Variants in QSOX1 observed in about 807,000 individuals in gnomAD.
QSOX1 encodes quiescin sulfhydryl oxidase 1, also known as sulfhydryl oxidase 1.
Under a neutral mutation model 76.1 loss-of-function variants are expected in QSOX1, and 40 were observed. The ratio of observed to expected loss-of-function variants is 0.53; its 90% confidence interval spans 0.41 to 0.68. The LOEUF (loss-of-function observed/expected upper bound fraction) is 0.68. QSOX1 is among the 30% of genes least tolerant of loss of function. The probability of loss-of-function intolerance (pLI) is 0.00; values close to 1 mark genes in which losing one functional copy is unlikely to be tolerated. For synonymous variants in QSOX1, 392 were observed against 413.1 expected, an observed-to-expected ratio of 0.95 and a Z score of 0.62; for missense variants, 931 against 974.3, an observed-to-expected ratio of 0.96 and a Z score of 0.59.
intron 10 of QSOX1, among the ~76,000 whole-genome samples, chr1:180,192,726 C>A (rs550149714): frequency 1.3e-5 from 2 of 152,194 alleles, no homozygotes; most frequent in South Asian, 4.2e-4. Context: ...CAATAGACCT[C>A]CCAATGGAGG....
rs766099919 is a variant in QSOX1, at chr1:180,190,424, G to A, written c.1141-9G>A. 1 of 1,611,300 alleles carries A rather than the reference G, an allele frequency of 6.2e-7. No homozygotes were observed. Among genetic ancestry groups the A allele is most frequent in the South Asian group, 1.1e-5 (1 of 91,000 alleles). ...TCCATATGTGCACTCACACTCATGT[G>A]TCCCTCAGGGTGCCGTTCTTGCCAA... On this transcript the variant is annotated splice_polypyrimidine_tract_variant and intron_variant, in intron 9 of 11. Transcript: ENST00000367602.
At chr1:180,155,251 C>T (rs1317946543) in intron 1 of QSOX1, 79 bp downstream of exon 1, 2 of 1,293,340 alleles carry the variant, frequency 1.5e-6, no homozygotes, top group East Asian at 3.1e-5. Flanking sequence ...GCCTCCTACT[C>T]CGGGAGCGCG....
chr1:180,177,399 G>A (rs370635525), intron 4 of QSOX1, among the ~76,000 whole-genome samples: 1 of 151,990 alleles, frequency 6.6e-6, no homozygotes, highest in Admixed American at 6.6e-5. Context: ...GACTACAGGC[G>A]CCTGCCACCA....
At chr1:180,182,125 C>A in intron 5 of QSOX1, 49 bp from the exon 6 acceptor site, 1 of 1,602,476 alleles carries the variant, frequency 6.2e-7, no homozygotes, top group South Asian at 1.1e-5. Context: ...CCAGCCCTGG[C>A]TCCCTCCACC....
At position 180,203,013 on chromosome 1, in the gene QSOX1, G is replaced by A. The variant is rs1663664186; in HGVS notation, c.*5976G>A. ...TTGAACCTGGGAGGTGGAGGTTGCA[G>A]TGAGCTGAGATCGCGCCATTGCACT... On this transcript the variant is annotated 3_prime_UTR_variant, in exon 12 of 12. Coordinates refer to ENST00000367602, the MANE Select transcript of QSOX1 (RefSeq NM_002826.5). 6.6e-6 allele frequency: 1 copy of A among 152,290 alleles called. No individual in the cohort carries two copies. Among genetic ancestry groups the A allele is most frequent in the Non-Finnish European group, 1.5e-5 (1 of 68,118 alleles). The allele number at this position is 152,290 out of a possible 1,614,324, so 9.4% of individuals were successfully genotyped here. A position where few individuals can be genotyped will look rare whatever the true frequency, so the allele number is the denominator to read the frequency against.
intron 10 of QSOX1, 142 bp downstream of exon 10, chr1:180,190,722 C>A: frequency 1.8e-6 from 2 of 1,089,514 alleles, no homozygotes; most frequent in Non-Finnish European, 2.6e-6. Flanking sequence ...AGCCTTGGGG[C>A]TCTGGCTGGA....
In QSOX1 at chr1:180,196,284, G is replaced by A. The variant is rs1663484290; in HGVS notation, c.1491G>A (p.Gln497=). ...TAGGTGCCCCCAGCGAGGACCCCCAGTTCCCCAAGGTGCAGTGGCCACCCC... is the reference window on the plus strand; with the variant it reads ...TAGGTGCCCCCAGCGAGGACCCCCAATTCCCCAAGGTGCAGTGGCCACCCC... ...RLAGAPSEDP[Q]FPKVQWPPRE... Residue 497 remains glutamine (Q), a synonymous_variant, in exon 12 of 12, where the codon CAG becomes CAA. Coordinates refer to ENST00000367602, the MANE Select transcript of QSOX1 (RefSeq NM_002826.5). The surrounding 1 kb of genome is among the most constrained non-coding windows in gnomAD (Gnocchi z 4.1). 6.2e-7 allele frequency: 1 copy of A among 1,612,268 alleles called. No homozygotes were observed. Among genetic ancestry groups the A allele is most frequent in the Non-Finnish European group, 8.5e-7 (1 of 1,178,582 alleles).
In QSOX1 at chr1:180,189,745, C is replaced by T. The variant is rs141913339; in HGVS notation, c.1140+71C>T. The T allele has an allele frequency of 4.8e-4, 730 of 1,511,424 alleles. 3 individuals carry two copies. In the East Asian group the frequency reaches 0.016, roughly 34 times the overall value. 93.6% of individuals were successfully genotyped at this position (1,511,424 alleles called of 1,614,324 possible). A position where few individuals can be genotyped will look rare whatever the true frequency, so the allele number is the denominator to read the frequency against. ...TGAGAGTGCAAGGGGTTAACCCTGT[C>T]ATTTCTGACCTTCTTCGCCAGTTTG... is the stretch of plus-strand genomic sequence containing the variant. On this transcript the variant is annotated intron_variant, in intron 9 of 11. Coordinates refer to ENST00000367602, the MANE Select transcript of QSOX1 (RefSeq NM_002826.5).
rs1663518321 is a variant in QSOX1, at chr1:180,197,208, C to T, written c.*171C>T. 1.3e-6 allele frequency: 2 copies of T among 1,559,508 alleles called. No individual in the cohort carries two copies. Among genetic ancestry groups the T allele is most frequent in the Non-Finnish European group, 1.7e-6 (2 of 1,157,186 alleles). On this transcript the variant is annotated 3_prime_UTR_variant, in exon 12 of 12. Transcript: ENST00000367602. ...TTCTTGGGGTTGCTAGGACAGAGAG[C>T]TCCTTTGACACAAAAGACAGGAGCA...
In QSOX1 at chr1:180,193,159, A is replaced by G. The variant is rs188859746; in HGVS notation, c.1289-1054A>G. 5.9e-5 allele frequency among the ~76,000 whole-genome samples: 9 copies of G among 152,212 alleles called. No individual in the cohort carries two copies. The East Asian group carries it at 1.4e-3, about 23-fold the overall frequency. ...CTGGGTTAGAGGGAACTTCTTTATG[A>G]TCATCCTTTTCCCCAGTTGGAATGA... On this transcript the variant is annotated intron_variant, in intron 10 of 11. Coordinates refer to ENST00000367602, the MANE Select transcript of QSOX1 (RefSeq NM_002826.5).
At chr1:180,187,051 A>G (rs186748960) in intron 8 of QSOX1, among the ~76,000 whole-genome samples, 9 of 152,258 alleles carry the variant, frequency 5.9e-5, no homozygotes, top group African/African-American at 2.2e-4. Context: ...TGGGGCCCGG[A>G]TCTGAGCCCA....
At chr1:180,178,109 C>G (rs1034856616) in intron 4 of QSOX1, among the ~76,000 whole-genome samples, 1 of 152,194 alleles carries the variant, frequency 6.6e-6, no homozygotes, top group Admixed American at 6.5e-5. Flanking sequence ...CCCCAGCTCT[C>G]AGGGGACCAA....
chr1:180,196,697 A>G lies in QSOX1; in HGVS notation c.1904A>G (p.Gln635Arg). Residue 635 changes from glutamine to arginine, a missense_variant, in exon 12 of 12, where the codon CAG becomes CGG. Gln to Arg is a conservative substitution (Grantham distance 43, BLOSUM62 1). Transcript: ENST00000367602. The surrounding 1 kb of genome is among the most constrained non-coding windows in gnomAD (Gnocchi z 4.1). Reference protein sequence around the residue: ...MAELQRNEQEQPLGQWHLSKR... With the variant: ...MAELQRNEQERPLGQWHLSKR... ...GAGCTTCAGAGGAATGAGCAGGAGC[A>G]GCCGCTTGGGCAGTGGCACTTGAGC... The G allele has an allele frequency of 1.9e-6, 3 of 1,614,092 alleles. No individual in the cohort carries two copies. Among genetic ancestry groups the G allele is most frequent in the Non-Finnish European group, 2.5e-6 (3 of 1,180,040 alleles).
chr1:180,195,883 G>A (rs899758650), intron 11 of QSOX1, among the ~76,000 whole-genome samples: 9 of 152,228 alleles, frequency 5.9e-5, no homozygotes, highest in African/African-American at 2.2e-4. Context: ...CTGCAAAACA[G>A]ATCAAAATGA....
intron 1 of QSOX1, among the ~76,000 whole-genome samples, chr1:180,157,046 C>T (rs919924534): frequency 1.3e-5 from 2 of 152,214 alleles, no homozygotes; most frequent in African/African-American, 4.8e-5. Context: ...TAGATACTGA[C>T]CCATTCTGCT....
chr1:180,180,737 G>C (rs374426570), intron 5 of QSOX1, among the ~76,000 whole-genome samples: 1 of 152,104 alleles, frequency 6.6e-6, no homozygotes, highest in Non-Finnish European at 1.5e-5. Context: ...GGATGGTCTT[G>C]ATCTCCTGAC....
chr1:180,186,109 A>G lies in QSOX1; in HGVS notation c.944A>G (p.Glu315Gly), dbSNP rs765222717. ...ESALHYILRI[E>G]VGRFPVLEGQ... Reference sequence around the variant, plus strand: ...GCACTGCACTACATCCTGCGGATAGAAGTGGGCAGGTTCCCGGTCCTGGAA... The same window carrying G: ...GCACTGCACTACATCCTGCGGATAGGAGTGGGCAGGTTCCCGGTCCTGGAA... Residue 315 changes from glutamate to glycine, a missense_variant, in exon 8 of 12, where the codon GAA (glutamate) becomes GGA (glycine). Physicochemically the swap from Glu to Gly is moderately conservative, Grantham distance 98. Coordinates refer to ENST00000367602, the MANE Select transcript of QSOX1 (RefSeq NM_002826.5). 3.1e-6 allele frequency: 5 copies of G among 1,614,072 alleles called. No individual in the cohort carries two copies. Among genetic ancestry groups the G allele is most frequent in the Non-Finnish European group, 4.2e-6 (5 of 1,179,994 alleles).
Position 180,196,026 on chromosome 1 carries a change from G to C in QSOX1, c.1469-236G>C, listed in dbSNP as rs576429181. On this transcript the variant is annotated intron_variant, in intron 11 of 11. Transcript: ENST00000367602. The surrounding 1 kb of genome is among the most constrained non-coding windows in gnomAD (Gnocchi z 4.1). ...TCTTCACGCTTCCCTGGAAAACCAC[G>C]GAGGGCCGGGGCTGAGGGGTAGGTG... Among the ~76,000 whole-genome samples the C allele has an allele frequency of 5.2e-4, 79 of 152,284 alleles. No homozygotes were observed. Among genetic ancestry groups the C allele is most frequent in the African/African-American group, 1.7e-3 (69 of 41,544 alleles).
At position 180,188,342 on chromosome 1, in the gene QSOX1, T is replaced by A. The variant is rs577392720; in HGVS notation, c.1018-1210T>A. On this transcript the variant is annotated intron_variant, in intron 8 of 11. Transcript: ENST00000367602. Reference sequence around the variant, plus strand: ...CTCTCCCAGCCTGTGCTCCCTCCTGTGAGCAGCTGGTAGGAGTGGCCACTG... The same window carrying A: ...CTCTCCCAGCCTGTGCTCCCTCCTGAGAGCAGCTGGTAGGAGTGGCCACTG... Among the ~76,000 whole-genome samples the A allele has an allele frequency of 5.3e-4, 81 of 152,340 alleles. No homozygotes were observed. In the Middle Eastern group the frequency reaches 0.01, roughly 19 times the overall value.
Sources: gnomAD v4.1 joint callset for allele counts (sites outside exome capture counted in the v4.1 genomes callset) on GRCh38, gnomAD v4.1.1 for gene constraint, Gnocchi (gnomAD v3.1) non-coding constraint, MANE v1.5 for transcripts, NCBI Gene and HGNC (gene_info 2026-07-23, HGNC 2026-07-21) for gene names.